GALNTL6: variants seen among roughly 807,000 people sequenced by gnomAD.
The protein encoded by GALNTL6 is polypeptide N-acetylgalactosaminyltransferase-like 6.
Under a neutral mutation model 73.7 loss-of-function variants are expected in GALNTL6, and 46 were observed. The observed-to-expected ratio is 0.62, with a 90% confidence interval of 0.49 to 0.80. GALNTL6 has a LOEUF of 0.80. GALNTL6 is among the 30% of genes least tolerant of loss of function. The probability of loss-of-function intolerance (pLI) is 0.00; values close to 1 mark genes in which losing one functional copy is unlikely to be tolerated. For synonymous variants in GALNTL6, 259 were observed against 263.7 expected, an observed-to-expected ratio of 0.98 and a Z score of 0.17; for missense variants, 604 against 755.0, an observed-to-expected ratio of 0.80 and a Z score of 2.34.
intron 5 of GALNTL6, among the ~76,000 whole-genome samples, chr4:172,797,897 T>C (rs1454079306): frequency 6.6e-6 from 1 of 152,162 alleles, no homozygotes; most frequent in Non-Finnish European, 1.5e-5. Flanking sequence ...AGCTAAAGAT[T>C]AATTTTTCCT....
At chr4:172,341,479 G>A (rs1230032501) in intron 4 of GALNTL6, among the ~76,000 whole-genome samples, 2 of 138,038 alleles carry the variant, frequency 1.4e-5, no homozygotes, top group Non-Finnish European at 3.1e-5. Flanking sequence ...AAAAAAAAAT[G>A]TAGTTGTTTA....
chr4:171,858,676 C>T (rs1454662769), intron 2 of GALNTL6, among the ~76,000 whole-genome samples: 1 of 152,072 alleles, frequency 6.6e-6, no homozygotes, highest in South Asian at 2.1e-4. Flanking sequence ...TTCTTTCACA[C>T]ACCACAAATA....
At chr4:172,840,857 G>C (rs1425264842) in intron 7 of GALNTL6, among the ~76,000 whole-genome samples, 1 of 152,182 alleles carries the variant, frequency 6.6e-6, no homozygotes, top group Non-Finnish European at 1.5e-5. Flanking sequence ...CTGCCCTTCA[G>C]GGACTGGCTC....
intron 2 of GALNTL6, among the ~76,000 whole-genome samples, chr4:171,870,358 G>A (rs912090366): frequency 2.6e-5 from 4 of 152,092 alleles, no homozygotes; most frequent in African/African-American, 7.2e-5. Flanking sequence ...ACACAAAGAG[G>A]CCTCTTCCAG....
intron 5 of GALNTL6, among the ~76,000 whole-genome samples, chr4:172,719,183 C>G (rs1735298984): frequency 6.6e-6 from 1 of 152,182 alleles, no homozygotes; most frequent in African/African-American, 2.4e-5. Context: ...TTTCTACTTT[C>G]ATAAAAACCA....
chr4:172,576,261 G>C (rs1736952069), intron 5 of GALNTL6, among the ~76,000 whole-genome samples: 1 of 151,940 alleles, frequency 6.6e-6, no homozygotes, highest in Admixed American at 6.6e-5. Context: ...AACCGGGGGA[G>C]ACTGTGCTGG....
At chr4:171,967,027 A>T (rs759691592) in intron 2 of GALNTL6, among the ~76,000 whole-genome samples, 32 of 152,230 alleles carry the variant, frequency 2.1e-4, no homozygotes, top group Non-Finnish European at 3.8e-4. Flanking sequence ...TGCAAGTAGC[A>T]GTTTTGAAAG....
intron 5 of GALNTL6, among the ~76,000 whole-genome samples, chr4:172,642,390 T>A (rs1430878705): frequency 6.6e-6 from 1 of 151,932 alleles, no homozygotes; most frequent in Non-Finnish European, 1.5e-5. Flanking sequence ...CAATTGAGTA[T>A]GATTCAGCCT....
intron 5 of GALNTL6, among the ~76,000 whole-genome samples, chr4:172,533,102 C>T (rs2110851829): frequency 6.6e-6 from 1 of 150,640 alleles, no homozygotes; most frequent in East Asian, 2.0e-4. Flanking sequence ...ACCTCCACCT[C>T]CTGGGTTCAA....
chr4:171,943,478 A>C (rs563377374), intron 2 of GALNTL6, among the ~76,000 whole-genome samples: 1 of 152,194 alleles, frequency 6.6e-6, no homozygotes, highest in Non-Finnish European at 1.5e-5. Context: ...TACATATTAA[A>C]TGTTTCACTA....
chr4:172,033,679 A>C (rs181029135), intron 2 of GALNTL6, among the ~76,000 whole-genome samples: 1 of 152,150 alleles, frequency 6.6e-6, no homozygotes, highest in Non-Finnish European at 1.5e-5. Flanking sequence ...GAAATCATCA[A>C]TTGTCCATGA....
Position 172,046,867 on chromosome 4 carries a change from G to A in GALNTL6, c.139-182789G>A, listed in dbSNP as rs374313971. On this transcript the variant is annotated intron_variant, in intron 2 of 12. Transcript: ENST00000506823. ...TTTCTTTGCAGTGCAGAAGCTTTTC[G>A]GTTTGATGTAATTTCCTTTGTCTAT... Among the ~76,000 whole-genome samples, 61 of 152,024 alleles carry A rather than the reference G, an allele frequency of 4.0e-4. No homozygotes were observed. The South Asian group carries it at 0.012, about 29-fold the overall frequency.
At chr4:172,697,203 A>C (rs1733750762) in intron 5 of GALNTL6, among the ~76,000 whole-genome samples, 1 of 152,304 alleles carries the variant, frequency 6.6e-6, no homozygotes, top group Admixed American at 6.5e-5. Context: ...CATTTCTGAA[A>C]ATACTGGTTT....
At chr4:173,004,064 G>A (rs973216919) in intron 10 of GALNTL6, among the ~76,000 whole-genome samples, 6 of 152,128 alleles carry the variant, frequency 3.9e-5, no homozygotes, top group African/African-American at 1.4e-4. Context: ...GCTTTAAAAA[G>A]GACAGGAGGC....
intron 10 of GALNTL6, among the ~76,000 whole-genome samples, chr4:172,996,063 G>A (rs1420352499): frequency 6.6e-6 from 1 of 152,090 alleles, no homozygotes; most frequent in African/African-American, 2.4e-5. Flanking sequence ...CCCAGTAATA[G>A]GACAAATGCA....
chr4:172,789,993 A>G (rs913925782), intron 5 of GALNTL6, among the ~76,000 whole-genome samples: 7 of 152,366 alleles, frequency 4.6e-5, no homozygotes, highest in Admixed American at 2.6e-4. Flanking sequence ...TGAATACGAC[A>G]TGGTCCCTGA....
intron 5 of GALNTL6, among the ~76,000 whole-genome samples, chr4:172,737,218 C>T (rs1408801743): frequency 6.6e-6 from 1 of 152,176 alleles, no homozygotes; most frequent in Non-Finnish European, 1.5e-5. Flanking sequence ...TGCTCTTGCT[C>T]AGCTCCCTCT....
intron 5 of GALNTL6, among the ~76,000 whole-genome samples, chr4:172,784,791 C>T (rs1447564042): frequency 6.6e-6 from 1 of 152,118 alleles, no homozygotes; most frequent in Non-Finnish European, 1.5e-5. Context: ...TTGTTTGCTA[C>T]TTATAAAAAT....
At chr4:173,009,324 G>A in intron 11 of GALNTL6, 30 bp downstream of exon 11, 1 of 1,330,532 alleles carries the variant, frequency 7.5e-7, no homozygotes, top group Non-Finnish European at 1.1e-6. Context: ...CCAGGGCAGT[G>A]GGAACCAGTC....
Sources: gnomAD v4.1 joint callset for allele counts (sites outside exome capture counted in the v4.1 genomes callset) on GRCh38, gnomAD v4.1.1 for gene constraint, MANE v1.5 for transcripts, NCBI Gene and HGNC (gene_info 2026-07-23, HGNC 2026-07-21) for gene names.